Variants in TBC1D22B observed in about 807,000 individuals in gnomAD.
TBC1D22B encodes the protein chromosome 6 open reading frame 197.
Under a neutral mutation model 69.1 loss-of-function variants are expected in TBC1D22B, and 32 were observed. That is an observed-to-expected ratio of 0.46 (90% CI 0.35 to 0.62). TBC1D22B has a LOEUF of 0.62. Among genes scored for constraint, TBC1D22B ranks in the 20% least tolerant of loss-of-function variants. The pLI, the probability that TBC1D22B is intolerant of heterozygous loss-of-function variation, is 0.00. For synonymous variants in TBC1D22B, 206 were observed against 229.8 expected (o/e 0.90, Z 0.94); for missense variants, 462 against 630.9 (o/e 0.73, Z 2.87).
chr6:37,278,088 C>T (rs1361701077), intron 2 of TBC1D22B, among the ~76,000 whole-genome samples: 1 of 152,146 alleles, frequency 6.6e-6, no homozygotes, highest in Non-Finnish European at 1.5e-5. Flanking sequence ...TTCTCTACTG[C>T]ACTCCATCAC....
At chr6:37,291,441 C>A in intron 8 of TBC1D22B, 84 bp downstream of exon 8, 2 of 980,736 alleles carry the variant, frequency 2.0e-6, no homozygotes, top group Non-Finnish European at 3.0e-6. Flanking sequence ...AAGAGTCCAG[C>A]CAGTAGGTAT....
intron 12 of TBC1D22B, chr6:37,324,374 A>C (rs1404266962): frequency 2.2e-6 from 1 of 456,750 alleles, no homozygotes; most frequent in East Asian, 6.9e-5. Flanking sequence ...ATAAAAATCC[A>C]TTCAAGAATT....
intron 2 of TBC1D22B, among the ~76,000 whole-genome samples, chr6:37,272,364 C>CT (rs765434196): frequency 0.042 from 5,706 of 135,790 alleles, 151 homozygotes; most frequent in Non-Finnish European, 0.066. Context: ...TATGTCCAGC[C>CT]TTTTTTTTTT....
intron 8 of TBC1D22B, among the ~76,000 whole-genome samples, chr6:37,292,114 G>A (rs933632592): frequency 4.6e-5 from 7 of 152,134 alleles, no homozygotes; most frequent in Admixed American, 6.6e-5. Flanking sequence ...TAAGAACATC[G>A]AAAGGATCTT....
At chr6:37,327,787 G>A (rs1317012062) in intron 12 of TBC1D22B, among the ~76,000 whole-genome samples, 1 of 152,148 alleles carries the variant, frequency 6.6e-6, no homozygotes, top group Non-Finnish European at 1.5e-5. Context: ...GAGAGCAGAT[G>A]CCAGCAACCA....
At chr6:37,262,475 G>A (rs1427622317) in intron 1 of TBC1D22B, among the ~76,000 whole-genome samples, 3 of 152,218 alleles carry the variant, frequency 2.0e-5, no homozygotes, top group African/African-American at 4.8e-5. Context: ...GAGCCTCTGC[G>A]TCTGGCCAAA....
intron 8 of TBC1D22B, chr6:37,295,547 A>G (rs560240395): frequency 5.2e-6 from 2 of 385,244 alleles, no homozygotes; most frequent in South Asian, 2.3e-5. Context: ...TTCTGCTGGC[A>G]TGTCTTCTGA....
intron 12 of TBC1D22B, among the ~76,000 whole-genome samples, chr6:37,324,909 C>T (rs964583875): frequency 6.6e-6 from 1 of 152,202 alleles, no homozygotes; most frequent in African/African-American, 2.4e-5. Context: ...ATATGTATCT[C>T]ATAGAGTAGA....
chr6:37,329,573 A>G (rs1039909197), intron 12 of TBC1D22B, among the ~76,000 whole-genome samples: 2 of 152,236 alleles, frequency 1.3e-5, no homozygotes, highest in African/African-American at 4.8e-5. Context: ...ATTTGTTAAG[A>G]TGATATAAAC....
intron 1 of TBC1D22B, among the ~76,000 whole-genome samples, chr6:37,266,962 G>T (rs1766296406): frequency 5.9e-5 from 7 of 118,590 alleles, no homozygotes; most frequent in Non-Finnish European, 6.6e-5. Context: ...TTTGAGATAA[G>T]GACTTACTCT....
rs867843328 is a variant in TBC1D22B at position 37,327,253 on chromosome 6, C to T, written c.1390-3791C>T. 7.8e-5 allele frequency among the ~76,000 whole-genome samples: 11 copies of T among 140,890 alleles called. 2 individuals carry two copies. Among genetic ancestry groups the T allele is most frequent in the East Asian group, 4.0e-4 (2 of 5,040 alleles). The allele number at this position is 140,890 out of a possible 152,430, so 92.4% of individuals were successfully genotyped here. A position where few individuals can be genotyped will look rare whatever the true frequency, so the allele number is the denominator to read the frequency against. On this transcript the variant is annotated intron_variant, in intron 12 of 12. Coordinates refer to ENST00000373491, the MANE Select transcript of TBC1D22B (RefSeq NM_017772.4). ...CAGCACTTTGGGAGGCCGAGGCGGG[C>T]GGATCACGAGGTCAGGAGATCGAGA...
intron 7 of TBC1D22B, among the ~76,000 whole-genome samples, chr6:37,288,787 TA>T (rs1767089841): frequency 6.6e-6 from 1 of 151,884 alleles, no homozygotes; most frequent in East Asian, 1.9e-4. Context: ...CTTCTTTTAG[TA>T]GTGCATCCTG....
In TBC1D22B at chr6:37,331,040, C is replaced by T; in HGVS notation, c.1390-4C>T. 1 of 1,614,002 alleles carries T rather than the reference C, an allele frequency of 6.2e-7. No homozygotes were observed. Among genetic ancestry groups the T allele is most frequent in the Non-Finnish European group, 8.5e-7 (1 of 1,179,938 alleles). On this transcript the variant is annotated splice_region_variant and splice_polypyrimidine_tract_variant and intron_variant, in intron 12 of 12. Transcript: ENST00000373491. ...TGATATAAAAGTCCTTTCTTGCATT[C>T]CAGGGTCTCCTCATGCTGCTACAGA...
Position 37,282,874 on chromosome 6 carries a change from A to G in TBC1D22B, c.602-8A>G. The G allele has an allele frequency of 6.2e-7, 1 of 1,613,978 alleles. No individual in the cohort carries two copies. The highest frequency in any genetic ancestry group is 8.5e-7 in the Non-Finnish European group (1 of 1,179,904). ...AGTTAACCTAACAAGGCTGTTTTCT[A>G]TTTACAGATGAACTGAGGAAGTGTA... is the stretch of plus-strand genomic sequence containing the variant. On this transcript the variant is annotated splice_polypyrimidine_tract_variant and splice_region_variant and intron_variant, in intron 4 of 12. Transcript: ENST00000373491.
In TBC1D22B at chr6:37,324,344, A is replaced by G. The variant is rs143145716; in HGVS notation, c.1390-6700A>G. On this transcript the variant is annotated intron_variant, in intron 12 of 12. Transcript: ENST00000373491. ...GCTGGGAAAGACCAAGAAGAGGCAG[A>G]GGAAGAGGTGGCACCGATGATAAAA... 16 of 456,798 alleles carry G rather than the reference A, an allele frequency of 3.5e-5. No individual in the cohort carries two copies. The East Asian group carries it at 1.1e-3, about 32-fold the overall frequency. The allele number at this position is 456,798 out of a possible 1,614,324, so 28.3% of individuals were successfully genotyped here. A position where few individuals can be genotyped will look rare whatever the true frequency, so the allele number is the denominator to read the frequency against.
chr6:37,315,786 G>T lies in TBC1D22B; in HGVS notation c.1166-917G>T, dbSNP rs148614026. On this transcript the variant is annotated intron_variant, in intron 10 of 12. Transcript: ENST00000373491. ...AGACAGGCTTTTGTCATGTTGCCTA[G>T]CCTGGTCTTGAGCTCCTGGGCTCAA... 2.7e-3 allele frequency among the ~76,000 whole-genome samples: 409 copies of T among 152,188 alleles called. 2 individuals are homozygous for T. The highest frequency in any genetic ancestry group is 9.1e-3 in the African/African-American group (380 of 41,552).
chr6:37,326,989 G>T (rs932359253), intron 12 of TBC1D22B, among the ~76,000 whole-genome samples: 1 of 152,164 alleles, frequency 6.6e-6, no homozygotes, highest in Non-Finnish European at 1.5e-5. Context: ...CCTAACTTAG[G>T]ATACAAGTGG....
At chr6:37,316,593 G>C in intron 10 of TBC1D22B, 110 bp from the exon 11 acceptor site, 1 of 1,270,496 alleles carries the variant, frequency 7.9e-7, no homozygotes, top group South Asian at 1.3e-5. Flanking sequence ...CTCTGTGTCT[G>C]CTTACCCATG....
At chr6:37,315,294 G>T (rs1768043711) in intron 10 of TBC1D22B, among the ~76,000 whole-genome samples, 1 of 152,132 alleles carries the variant, frequency 6.6e-6, no homozygotes, top group African/African-American at 2.4e-5. Context: ...ACAGGCTGGG[G>T]ACGGTGACTC....
Sources: gnomAD v4.1 joint callset for allele counts (sites outside exome capture counted in the v4.1 genomes callset) on GRCh38, gnomAD v4.1.1 for gene constraint, MANE v1.5 for transcripts, NCBI Gene and HGNC (gene_info 2026-07-23, HGNC 2026-07-21) for gene names.